The following STARD13 variants were observed in gnomAD, a reference collection of about 807,000 sequenced individuals.
STARD13 encodes StAR related lipid transfer domain containing 13.
Under a neutral mutation model 106.4 loss-of-function variants are expected in STARD13, and 62 were observed. The ratio of observed to expected loss-of-function variants is 0.58; its 90% CI spans 0.48 to 0.72. The LOEUF (loss-of-function observed/expected upper bound fraction) is 0.72, where lower values mean the gene tolerates loss of function less well. Ranked by LOEUF, STARD13 falls within the 30% of genes least tolerant of loss-of-function variation. The pLI is 0.00. For synonymous variants in STARD13, 565 were observed against 553.0 expected (o/e 1.02, Z -0.31); for missense variants, 1,387 against 1,424.0 (o/e 0.97, Z 0.42).
intron 1 of STARD13, among the ~76,000 whole-genome samples, chr13:33,232,570 C>T (rs1471515636): frequency 6.6e-6 from 1 of 152,068 alleles, no homozygotes; most frequent in Non-Finnish European, 1.5e-5. Context: ...AATTTATAAT[C>T]TCTCATCTCT....
At chr13:33,106,223 C>A (rs1323450618) in intron 13 of STARD13, among the ~76,000 whole-genome samples, 1 of 152,146 alleles carries the variant, frequency 6.6e-6, no homozygotes, top group African/African-American at 2.4e-5. Flanking sequence ...AGATTGAGAC[C>A]AGCCTGGCCA....
At chr13:33,503,339 G>A in the STARD13 span, among the ~76,000 whole-genome samples, 1 of 152,098 alleles carries the variant, frequency 6.6e-6, no homozygotes, top group African/African-American at 2.4e-5. Context: ...CCAGCTCCTG[G>A]ATTCATTGAT....
In STARD13 at chr13:33,214,713, C is replaced by T. The variant is rs1295158771; in HGVS notation, c.170-47091G>A. Among the ~76,000 whole-genome samples the T allele has an allele frequency of 3.3e-5, 5 of 150,646 alleles. No homozygotes were observed. The South Asian group carries it at 8.4e-4, about 25-fold the overall frequency. On this transcript the variant is annotated intron_variant, in intron 1 of 13. Transcript: ENST00000336934. The stretch of plus-strand genomic sequence containing the variant: ...ACATGCACACATACACACACACACA[C>T]ACACACACACACACACACACACACA...
At chr13:33,617,566 A>G in the STARD13 span, among the ~76,000 whole-genome samples, 1 of 152,200 alleles carries the variant, frequency 6.6e-6, no homozygotes. Context: ...AATTAGGTTC[A>G]GCTCACCCAT....
the STARD13 span, among the ~76,000 whole-genome samples, chr13:33,543,322 T>G: frequency 6.6e-6 from 1 of 152,022 alleles, no homozygotes; most frequent in Non-Finnish European, 1.5e-5. Flanking sequence ...AGAAGCAGAA[T>G]GTAGTAATTT....
At chr13:33,437,519 A>G in the STARD13 span, among the ~76,000 whole-genome samples, 1 of 152,254 alleles carries the variant, frequency 6.6e-6, no homozygotes, top group African/African-American at 2.4e-5. Context: ...CCAATCAAGA[A>G]GCAATGATGG....
chr13:33,358,917 T>C, the STARD13 span, among the ~76,000 whole-genome samples: 2 of 152,132 alleles, frequency 1.3e-5, no homozygotes, highest in African/African-American at 4.8e-5. Flanking sequence ...GGTGGGGCCT[T>C]GGAGAACCTG....
chr13:33,126,254 A>C lies in STARD13; in HGVS notation c.1923-14T>G. Reference sequence around the variant, plus strand: ...TTTGGAACTGACCTAGAATTTACAGAAACCAGGTCATGCAAGCCTCCTGGG... The same window carrying C: ...TTTGGAACTGACCTAGAATTTACAGCAACCAGGTCATGCAAGCCTCCTGGG... On this transcript the variant is annotated splice_polypyrimidine_tract_variant and intron_variant, in intron 6 of 13. Coordinates refer to ENST00000336934, the MANE Select transcript of STARD13 (RefSeq NM_178006.4). 6.2e-7 allele frequency: 1 copy of C among 1,612,648 alleles called. No individual in the cohort carries two copies. The highest frequency in any genetic ancestry group is 1.1e-5 in the South Asian group (1 of 91,038).
intron 9 of STARD13, 41 bp from the exon 10 acceptor site, chr13:33,111,933 A>G (rs1874641664): frequency 7.8e-7 from 1 of 1,287,568 alleles, no homozygotes; most frequent in Admixed American, 1.7e-5. Flanking sequence ...TCCCACACCA[A>G]CGAGCTTGTC....
In STARD13 at chr13:33,329,490, G is replaced by A. The variant is rs562473303; in HGVS notation, c.124+20800C>T. On this transcript the variant is annotated intron_variant, in intron 1 of 5. Transcript: ENST00000567873. ...ATCCTACTTTCTACTTCTATAGTTT[G>A]ACTATTTTAGATTCTACGTAAAAGG... Among the ~76,000 whole-genome samples, 21 of 152,052 alleles carry A rather than the reference G, an allele frequency of 1.4e-4. No homozygotes were observed. The East Asian group carries it at 3.9e-3, about 28-fold the overall frequency.
At chr13:33,246,886 T>C (rs1428434108) in intron 1 of STARD13, among the ~76,000 whole-genome samples, 2 of 152,150 alleles carry the variant, frequency 1.3e-5, no homozygotes, top group South Asian at 4.1e-4. Flanking sequence ...GAGAGAGTTA[T>C]AGATTGGTCC....
chr13:33,633,876 C>G, the STARD13 span, among the ~76,000 whole-genome samples: 3 of 152,156 alleles, frequency 2.0e-5, no homozygotes, highest in Admixed American at 6.5e-5. Flanking sequence ...CATTTTCCCT[C>G]CTGACCACCC....
chr13:33,117,913 G>A (rs1215369522), intron 8 of STARD13, 152 bp downstream of exon 8: 21 of 1,401,010 alleles, frequency 1.5e-5, no homozygotes, highest in Non-Finnish European at 1.9e-5. Flanking sequence ...CAAACTTTGA[G>A]CAAAAGTTAC....
chr13:33,296,992 A>C (rs1168676940), intron 1 of STARD13, among the ~76,000 whole-genome samples: 2 of 152,226 alleles, frequency 1.3e-5, no homozygotes, highest in Non-Finnish European at 2.9e-5. Context: ...GGCTGATTGC[A>C]CTTAGCATAA....
chr13:33,172,223 TC>T (rs1355942960), intron 1 of STARD13, among the ~76,000 whole-genome samples: 2 of 152,220 alleles, frequency 1.3e-5, no homozygotes, highest in East Asian at 3.8e-4. Context: ...TATATAATGA[TC>T]TTATTTGTAA....
chr13:33,381,296 C>G, the STARD13 span, among the ~76,000 whole-genome samples: 2 of 152,098 alleles, frequency 1.3e-5, no homozygotes, highest in African/African-American at 4.8e-5. Flanking sequence ...TTGCTCCCTA[C>G]CCCCTACAAA....
At chr13:33,106,280 G>A (rs772370995) in intron 13 of STARD13, among the ~76,000 whole-genome samples, 1 of 152,204 alleles carries the variant, frequency 6.6e-6, no homozygotes. Flanking sequence ...AATTAGCTGA[G>A]TGTGGTGGTG....
the STARD13 span, among the ~76,000 whole-genome samples, chr13:33,493,825 T>C: frequency 6.6e-6 from 1 of 152,294 alleles, no homozygotes; most frequent in African/African-American, 2.4e-5. Flanking sequence ...CTTAAACTTG[T>C]ACATTCACAG....
At chr13:33,553,998 ATAT>A in the STARD13 span, among the ~76,000 whole-genome samples, 1 of 152,248 alleles carries the variant, frequency 6.6e-6, no homozygotes, top group East Asian at 1.9e-4. Context: ...CATATTCATT[ATAT>A]TATTATTAGA....
Sources: gnomAD v4.1 joint callset for allele counts (sites outside exome capture counted in the v4.1 genomes callset) on GRCh38, gnomAD v4.1.1 for gene constraint, MANE v1.5 for transcripts, NCBI Gene and HGNC (gene_info 2026-07-23, HGNC 2026-07-21) for gene names.